The following HGD variants were observed in gnomAD, a reference collection of about 807,000 sequenced individuals.
HGD encodes the protein homogentisate 1,2-dioxygenase, also known as homogentisate oxidase.
Under a neutral mutation model 60.8 loss-of-function variants are expected in HGD, and 61 were observed. The observed-to-expected ratio is 1.00, with a 90% confidence interval of 0.82 to 1.24. HGD has a LOEUF of 1.24. Ranked by LOEUF, HGD falls within the 50% of genes most tolerant of loss-of-function variation. The probability of loss-of-function intolerance (pLI) is 0.00; values close to 1 mark genes in which losing one functional copy is unlikely to be tolerated. For synonymous variants in HGD, 212 were observed against 187.7 expected (o/e 1.13, Z -1.06); for missense variants, 542 against 547.1 (o/e 0.99, Z 0.09).
At chr3:120,655,450 C>T (rs1458518642) in intron 4 of HGD, among the ~76,000 whole-genome samples, 1 of 152,206 alleles carries the variant, frequency 6.6e-6, no homozygotes, top group African/African-American at 2.4e-5. Flanking sequence ...AGTCATTTAT[C>T]TGTTGGCCCT....
intron 4 of HGD, among the ~76,000 whole-genome samples, chr3:120,666,180 C>T (rs932673979): frequency 4.6e-5 from 7 of 152,052 alleles, no homozygotes; most frequent in African/African-American, 1.7e-4. Context: ...TGGTTGGAGC[C>T]GGTGTTCACA....
chr3:120,667,709 C>A (rs1461057200), intron 4 of HGD, among the ~76,000 whole-genome samples: 1 of 152,132 alleles, frequency 6.6e-6, no homozygotes, highest in Non-Finnish European at 1.5e-5. Flanking sequence ...CATGAGCAGG[C>A]AGGAGCCCTG....
At chr3:120,632,535 C>A (rs148756433) in intron 13 of HGD, among the ~76,000 whole-genome samples, 1 of 152,226 alleles carries the variant, frequency 6.6e-6, no homozygotes, top group East Asian at 1.9e-4. Context: ...AAGGAAAATG[C>A]AAAAAACAGC....
At chr3:120,661,445 G>T (rs1194428991) in intron 4 of HGD, among the ~76,000 whole-genome samples, 1 of 152,152 alleles carries the variant, frequency 6.6e-6, no homozygotes, top group Non-Finnish European at 1.5e-5. Context: ...GATGCTGGAG[G>T]TGAACATGAC....
At chr3:120,650,746 T>C in intron 6 of HGD, 28 bp downstream of exon 6, 4 of 1,554,448 alleles carry the variant, frequency 2.6e-6, no homozygotes, top group Non-Finnish European at 3.6e-6. Flanking sequence ...AAGATGGGCA[T>C]GTCCTTCCCT....
chr3:120,647,850 AG>A lies in HGD; in HGVS notation c.469+26del, dbSNP rs369942669. ...TGCGGTTAGGGGTCAATTAACAGTGAGGGGGTCTGAAGTCTTCAGAACTCAC... is the reference window on the plus strand; with the variant it reads ...TGCGGTTAGGGGTCAATTAACAGTGAGGGGTCTGAAGTCTTCAGAACTCAC... On this transcript the variant is annotated intron_variant, in intron 7 of 13. Transcript: ENST00000283871. 6.9e-6 allele frequency: 11 copies of A among 1,585,136 alleles called. No homozygotes were observed. In the African/African-American group the frequency reaches 1.3e-4, roughly 19 times the overall value.
chr3:120,672,102 T>C (rs1410966591), intron 3 of HGD, among the ~76,000 whole-genome samples: 4 of 152,200 alleles, frequency 2.6e-5, no homozygotes, highest in African/African-American at 7.2e-5. Context: ...CATTTACCTA[T>C]GTAACAAACC....
At chr3:120,649,846 C>T (rs1482818073) in intron 6 of HGD, among the ~76,000 whole-genome samples, 2 of 151,972 alleles carry the variant, frequency 1.3e-5, no homozygotes, top group Admixed American at 1.3e-4. Flanking sequence ...GAGAGAGAAA[C>T]TGAGACAGGT....
chr3:120,649,122 G>A, intron 6 of HGD, among the ~76,000 whole-genome samples: 1 of 142,954 alleles, frequency 7.0e-6, no homozygotes, highest in South Asian at 2.3e-4. Flanking sequence ...TTTCTCCATT[G>A]TCTTTTTCTT....
chr3:120,644,577 A>G (rs545096337), intron 9 of HGD, 134 bp from the exon 10 acceptor site: 25 of 1,552,350 alleles, frequency 1.6e-5, no homozygotes, highest in Admixed American at 9.5e-5. Context: ...TCAAAGATTC[A>G]CTGCATTTCC....
chr3:120,646,584 T>C (rs934677267), intron 8 of HGD, among the ~76,000 whole-genome samples: 11 of 151,846 alleles, frequency 7.2e-5, no homozygotes, highest in Middle Eastern at 3.2e-3. Context: ...TAATCACACA[T>C]GTGACCCAAG....
At chr3:120,679,929 T>A (rs1158022305) in intron 1 of HGD, among the ~76,000 whole-genome samples, 1 of 152,230 alleles carries the variant, frequency 6.6e-6, no homozygotes, top group Non-Finnish European at 1.5e-5. Flanking sequence ...AAATTTGTGG[T>A]AATTTTTTAC....
chr3:120,649,536 C>T (rs1327633757), intron 6 of HGD, among the ~76,000 whole-genome samples: 5 of 152,090 alleles, frequency 3.3e-5, no homozygotes, highest in Admixed American at 6.6e-5. Context: ...TGGTCTACTC[C>T]ATTGTTTTTT....
chr3:120,660,590 C>T (rs781270226), intron 4 of HGD, among the ~76,000 whole-genome samples: 14 of 152,082 alleles, frequency 9.2e-5, no homozygotes, highest in African/African-American at 2.4e-4. Context: ...TTTGGGAGGC[C>T]GAGGCGGCCA....
rs2293733 is a variant in HGD at position 120,647,215 on chromosome 3, A to G, written c.470-163T>C. Among the ~76,000 whole-genome samples the G allele has an allele frequency of 2.2e-3, 332 of 152,248 alleles. 2 individuals are homozygous for G. The East Asian group carries it at 0.031, about 14-fold the overall frequency. On this transcript the variant is annotated intron_variant, in intron 7 of 13. Coordinates refer to ENST00000283871, the MANE Select transcript of HGD (RefSeq NM_000187.4). ...TAAATTCTGACAACTTAGATTAGCTATTTTCCTATCTAGAAGAATGTGAAT... is the reference window on the plus strand; with the variant it reads ...TAAATTCTGACAACTTAGATTAGCTGTTTTCCTATCTAGAAGAATGTGAAT...
intron 3 of HGD, among the ~76,000 whole-genome samples, chr3:120,672,666 T>C (rs573324899): frequency 2.6e-5 from 4 of 152,310 alleles, no homozygotes; most frequent in Non-Finnish European, 5.9e-5. Context: ...TGTGTGTATG[T>C]CTTGGAACCA....
In HGD at chr3:120,628,191, T is replaced by G; in HGVS notation, c.*189A>C. The stretch of plus-strand genomic sequence containing the variant: ...ACTACGTCCACAGAACACCAGCAAG[T>G]TTATTGAGTAATTAAGGTGACAGCC... On this transcript the variant is annotated 3_prime_UTR_variant, in exon 14 of 14. Coordinates refer to ENST00000283871, the MANE Select transcript of HGD (RefSeq NM_000187.4). 4 of 637,024 alleles carry G rather than the reference T, an allele frequency of 6.3e-6. No homozygotes were observed. Among genetic ancestry groups the G allele is most frequent in the Non-Finnish European group, 1.1e-5 (4 of 362,564 alleles). 39.5% of individuals were successfully genotyped at this position (637,024 alleles called of 1,614,324 possible).
intron 3 of HGD, among the ~76,000 whole-genome samples, chr3:120,671,174 C>T (rs1019157586): frequency 2.2e-4 from 34 of 152,234 alleles, no homozygotes; most frequent in Admixed American, 4.6e-4. Flanking sequence ...CTTTCAGATA[C>T]GTCCAGTGCA....
Position 120,644,419 on chromosome 3 carries a change from C to G in HGD, c.674G>C (p.Arg225Pro), listed in dbSNP as rs562853291. ...CCAGGCAATGGGTATCAAGAAATCA[C>G]GAGGATTGGCCAAGCCATTGGCCCC... ...PIGANGLANP[R>P]DFLIPIAWYE... The change falls in exon 10 of 14, where the codon CGT becomes CCT. Residue 225 changes from arginine to proline, a missense_variant. By Grantham distance (103) the Arg-to-Pro change is moderately radical. Coordinates refer to ENST00000283871, the MANE Select transcript of HGD (RefSeq NM_000187.4). 4.3e-6 allele frequency: 7 copies of G among 1,614,090 alleles called. No homozygotes were observed. The South Asian group carries it at 6.6e-5, about 15-fold the overall frequency.
Sources: gnomAD v4.1 joint callset for allele counts (sites outside exome capture counted in the v4.1 genomes callset) on GRCh38, gnomAD v4.1.1 for gene constraint, MANE v1.5 for transcripts, NCBI Gene and HGNC (gene_info 2026-07-23, HGNC 2026-07-21) for gene names.